The following DLG1 variants were observed in gnomAD, a reference collection of about 807,000 sequenced individuals.
DLG1 encodes discs large MAGUK scaffold protein 1, also known as disks large homolog 1.
A neutral mutation model predicts 123.4 loss-of-function variants in DLG1; 42 were observed. That is an observed-to-expected ratio of 0.34 (90% CI 0.27 to 0.44). The LOEUF (loss-of-function observed/expected upper bound fraction) is 0.44. Among genes scored for constraint, DLG1 ranks in the 20% least tolerant of loss-of-function variants. DLG1 has a pLI of 1.00. For missense variants in DLG1, 942 were observed against 1,082.6 expected (o/e 0.87, Z 1.82); for synonymous variants, 317 against 356.2 (o/e 0.89, Z 1.24).
intron 3 of DLG1, among the ~76,000 whole-genome samples, chr3:197,290,577 ACAT>A (rs1488933057): frequency 6.6e-6 from 1 of 152,178 alleles, no homozygotes; most frequent in East Asian, 1.9e-4. Context: ...TCACAAGGAA[ACAT>A]CAGACAAACC....
At chr3:197,087,204 T>G (rs1200122493) in intron 15 of DLG1, among the ~76,000 whole-genome samples, 1 of 152,240 alleles carries the variant, frequency 6.6e-6, no homozygotes, top group Non-Finnish European at 1.5e-5. Context: ...TGTTTATTTC[T>G]TTGACTCATT....
chr3:197,172,862 T>C (rs765295089), intron 5 of DLG1, among the ~76,000 whole-genome samples: 1 of 152,216 alleles, frequency 6.6e-6, no homozygotes, highest in Non-Finnish European at 1.5e-5. Context: ...TAAACATGTC[T>C]TGGTCAAGCA....
intron 10 of DLG1, among the ~76,000 whole-genome samples, chr3:197,133,517 C>G (rs1783672375): frequency 1.3e-5 from 2 of 152,190 alleles, no homozygotes; most frequent in Non-Finnish European, 2.9e-5. Context: ...TCACATATCA[C>G]TAGATACCTG....
chr3:197,147,145 T>C (rs186451633), intron 6 of DLG1, among the ~76,000 whole-genome samples: 2 of 152,048 alleles, frequency 1.3e-5, no homozygotes, highest in East Asian at 3.9e-4. Flanking sequence ...AAAAAATAGA[T>C]GTTGGCGTGG....
At chr3:197,159,745 A>G (rs1373147218) in intron 5 of DLG1, among the ~76,000 whole-genome samples, 1 of 152,242 alleles carries the variant, frequency 6.6e-6, no homozygotes, top group African/African-American at 2.4e-5. Flanking sequence ...GGCTTCTCAC[A>G]TAACACAACA....
intron 14 of DLG1, among the ~76,000 whole-genome samples, chr3:197,095,811 T>C (rs1760332477): frequency 6.6e-6 from 1 of 152,250 alleles, no homozygotes; most frequent in Non-Finnish European, 1.5e-5. Context: ...GGTTATAATC[T>C]GCCATTATTA....
intron 5 of DLG1, among the ~76,000 whole-genome samples, chr3:197,172,706 G>C (rs1250000973): frequency 6.6e-6 from 1 of 152,024 alleles, no homozygotes; most frequent in East Asian, 1.9e-4. Flanking sequence ...TGTGTTTCTG[G>C]GCAGCCACCA....
intron 2 of DLG1, 168 bp downstream of exon 2, chr3:197,297,018 C>T: frequency 1.4e-6 from 1 of 705,360 alleles, no homozygotes; most frequent in Non-Finnish European, 2.3e-6. Context: ...CAAACATTTT[C>T]GTGTTTCCAT....
intron 24 of DLG1, among the ~76,000 whole-genome samples, chr3:197,050,930 T>C (rs982147269): frequency 6.6e-6 from 1 of 152,206 alleles, no homozygotes; most frequent in Non-Finnish European, 1.5e-5. Flanking sequence ...TACCTCAACA[T>C]GGCTAGAGAA....
intron 24 of DLG1, among the ~76,000 whole-genome samples, chr3:197,046,392 C>A (rs1269014151): frequency 6.6e-6 from 1 of 152,174 alleles, no homozygotes; most frequent in Non-Finnish European, 1.5e-5. Context: ...GCTGCAGACA[C>A]CTTAACCATG....
At chr3:197,198,992 T>C (rs1577962209) in intron 4 of DLG1, among the ~76,000 whole-genome samples, 2 of 152,190 alleles carry the variant, frequency 1.3e-5, no homozygotes. Flanking sequence ...TTAGTGGTGG[T>C]AGGTGCACAA....
At chr3:197,152,100 T>C (rs1461690040) in intron 5 of DLG1, among the ~76,000 whole-genome samples, 1 of 152,216 alleles carries the variant, frequency 6.6e-6, no homozygotes, top group African/African-American at 2.4e-5. Context: ...TATTTTCTTT[T>C]ATATTACTTC....
intron 5 of DLG1, among the ~76,000 whole-genome samples, chr3:197,175,443 T>C (rs1436015440): frequency 1.3e-5 from 2 of 152,186 alleles, no homozygotes; most frequent in African/African-American, 4.8e-5. Flanking sequence ...CACAATTTTT[T>C]CACAGAAGGA....
At chr3:197,049,449 TAA>T (rs1289061922) in intron 24 of DLG1, among the ~76,000 whole-genome samples, 5 of 152,162 alleles carry the variant, frequency 3.3e-5, no homozygotes, top group African/African-American at 1.2e-4. Context: ...GAAAATCACC[TAA>T]GAGTCTGTCA....
chr3:197,105,493 C>T (rs1459858721), intron 13 of DLG1, among the ~76,000 whole-genome samples: 2 of 152,116 alleles, frequency 1.3e-5, no homozygotes, highest in African/African-American at 2.4e-5. Context: ...AATAGGAAAG[C>T]TATTATTTAG....
rs1194822476 is a variant in DLG1, at chr3:197,043,544, T to TTC, written c.*1078_*1079insGA. On this transcript the variant is annotated 3_prime_UTR_variant, in exon 25 of 25. Coordinates refer to ENST00000667157, the MANE Select transcript of DLG1 (RefSeq NM_001366207.1). The stretch of plus-strand genomic sequence containing the variant: ...TAAAAACCAAACAAAAAGTTAGGAG[T>TTC]AGGTGGCAAAAGAAACAAAATATAT... The TTC allele has an allele frequency of 2.6e-5, 4 of 151,666 alleles. No individual in the cohort carries two copies. The highest frequency in any genetic ancestry group is 5.9e-5 in the Non-Finnish European group (4 of 67,940). 9.4% of individuals were successfully genotyped at this position (151,666 alleles called of 1,614,324 possible).
chr3:197,171,000 C>T (rs780595356), intron 5 of DLG1, among the ~76,000 whole-genome samples: 1 of 152,122 alleles, frequency 6.6e-6, no homozygotes, highest in Non-Finnish European at 1.5e-5. Context: ...AAAGTATCAA[C>T]TGTCGTGTCA....
At chr3:197,259,688 T>C (rs946683207) in intron 4 of DLG1, among the ~76,000 whole-genome samples, 2 of 152,164 alleles carry the variant, frequency 1.3e-5, no homozygotes, top group African/African-American at 4.8e-5. Flanking sequence ...ACTTAGAGAT[T>C]AAGTGAAGCA....
chr3:197,193,003 C>G (rs556167186), intron 5 of DLG1, among the ~76,000 whole-genome samples: 1 of 151,730 alleles, frequency 6.6e-6, no homozygotes, highest in Non-Finnish European at 1.5e-5. Flanking sequence ...AAAAAATAGC[C>G]TAGCAAAATT....
Sources: allele counts gnomAD v4.1 joint callset (sites outside exome capture counted in the v4.1 genomes callset), GRCh38; gene constraint gnomAD v4.1.1; transcripts MANE v1.5; gene names NCBI Gene and HGNC (gene_info 2026-07-23, HGNC 2026-07-21).